The following CHST11 variants were observed in gnomAD, a reference collection of about 807,000 sequenced individuals.
The protein encoded by CHST11 is C4S-1.
CHST11 carries 9 observed loss-of-function variants against 30.4 expected under a neutral mutation model. The observed-to-expected ratio is 0.30, with a 90% CI of 0.18 to 0.52. CHST11 has a LOEUF of 0.52. Ranked by LOEUF, CHST11 falls within the 20% of genes least tolerant of loss-of-function variation. The pLI, the probability that CHST11 is intolerant of heterozygous loss-of-function variation, is 0.97. For synonymous variants in CHST11, 152 were observed against 187.8 expected, an observed-to-expected ratio of 0.81 and a Z score of 1.56; for missense variants, 348 against 460.6, an observed-to-expected ratio of 0.76 and a Z score of 2.24.
intron 1 of CHST11, among the ~76,000 whole-genome samples, chr12:104,504,088 A>ATAATCATTCTCACTCTC (rs1198074733): frequency 3.3e-5 from 5 of 152,130 alleles, no homozygotes; most frequent in Non-Finnish European, 7.4e-5. Flanking sequence ...CTCCATCAAG[A>ATAATCATTCTCACTCTC]TAATCATTCT....
intron 1 of CHST11, among the ~76,000 whole-genome samples, chr12:104,559,380 A>T (rs947792391): frequency 4.6e-5 from 7 of 152,226 alleles, no homozygotes; most frequent in African/African-American, 1.7e-4. Flanking sequence ...GACTAAGGAG[A>T]TGGCATTAAA....
intron 1 of CHST11, among the ~76,000 whole-genome samples, chr12:104,585,939 G>A (rs1252609191): frequency 6.6e-6 from 1 of 152,106 alleles, no homozygotes; most frequent in East Asian, 1.9e-4. Flanking sequence ...GTGTGTCTCT[G>A]TGGGTCCCCT....
intron 1 of CHST11, among the ~76,000 whole-genome samples, chr12:104,574,701 G>A (rs964923902): frequency 6.7e-6 from 1 of 150,336 alleles, no homozygotes; most frequent in Non-Finnish European, 1.5e-5. Flanking sequence ...ACACACTGGG[G>A]TCTGTTGTGG....
At chr12:104,747,535 T>A (rs566180142) in intron 2 of CHST11, among the ~76,000 whole-genome samples, 3 of 152,260 alleles carry the variant, frequency 2.0e-5, no homozygotes, top group Non-Finnish European at 2.9e-5. Flanking sequence ...GAGAGTTTAG[T>A]AATTCCTCTG....
Position 104,476,243 on chromosome 12 carries a change from T to C in CHST11, c.118+18714T>C, listed in dbSNP as rs970802375. Among the ~76,000 whole-genome samples the C allele has an allele frequency of 4.0e-5, 6 of 148,548 alleles. No individual in the cohort carries two copies. The East Asian group carries it at 5.8e-4, about 14-fold the overall frequency. ...ATATGTTATATGTAATAGCATATGT[T>C]ACACATATATGTAATATATGTAATA... On this transcript the variant is annotated intron_variant, in intron 1 of 2. Transcript: ENST00000303694.
chr12:104,755,914 C>A (rs934221829), intron 2 of CHST11, among the ~76,000 whole-genome samples: 1 of 151,952 alleles, frequency 6.6e-6, no homozygotes, highest in African/African-American at 2.4e-5. Context: ...TCTCGGGACC[C>A]CCCCCTCCGG....
At chr12:104,653,961 TC>T (rs2039518779) in intron 2 of CHST11, among the ~76,000 whole-genome samples, 1 of 152,082 alleles carries the variant, frequency 6.6e-6, no homozygotes, top group South Asian at 2.1e-4. Flanking sequence ...TAGTAAAACG[TC>T]CCCGACACCA....
chr12:104,588,712 C>T (rs2136037659), intron 1 of CHST11: 1 of 152,644 alleles, frequency 6.6e-6, no homozygotes, highest in East Asian at 1.9e-4. Flanking sequence ...CTCCATTGCC[C>T]ACCTGCCATC....
intron 2 of CHST11, among the ~76,000 whole-genome samples, chr12:104,639,599 G>A (rs768664075): frequency 1.3e-5 from 2 of 152,186 alleles, no homozygotes; most frequent in Non-Finnish European, 2.9e-5. Context: ...GTGGCCTGAG[G>A]CATGGGGAAA....
At chr12:104,616,026 T>A (rs1405182519) in intron 2 of CHST11, among the ~76,000 whole-genome samples, 3 of 152,232 alleles carry the variant, frequency 2.0e-5, no homozygotes, top group African/African-American at 7.2e-5. Flanking sequence ...GAAAGGTGTC[T>A]GGCACCAAGT....
At chr12:104,588,476 C>G (rs960472635) in intron 1 of CHST11, among the ~76,000 whole-genome samples, 3 of 152,232 alleles carry the variant, frequency 2.0e-5, no homozygotes, top group Admixed American at 6.5e-5. Context: ...TGAGTGGGTT[C>G]CTGCAGCCTA....
intron 1 of CHST11, among the ~76,000 whole-genome samples, chr12:104,536,213 G>A (rs2038236024): frequency 6.6e-6 from 1 of 152,214 alleles, no homozygotes; most frequent in African/African-American, 2.4e-5. Context: ...TGGAGCTCAT[G>A]AGAAATAGTA....
intron 1 of CHST11, among the ~76,000 whole-genome samples, chr12:104,517,198 A>C (rs1592741661): frequency 6.6e-6 from 1 of 152,180 alleles, no homozygotes; most frequent in East Asian, 1.9e-4. Context: ...GGTGCACTGT[A>C]AGAGAAGCCC....
rs142457180 is a variant in CHST11 at position 104,629,120 on chromosome 12, A to G, written c.204+27129A>G. On this transcript the variant is annotated intron_variant, in intron 2 of 2. Coordinates refer to ENST00000303694, the MANE Select transcript of CHST11 (RefSeq NM_018413.6). ...CACAGGGGTTAAGAGCAAGTGCTCT[A>G]GAATCAGGCTGCCTGCATTTGTATT... Among the ~76,000 whole-genome samples the G allele has an allele frequency of 2.5e-3, 379 of 152,352 alleles. 1 individual carries two copies. The highest frequency in any genetic ancestry group is 4.0e-3 in the Non-Finnish European group (273 of 68,028).
rs144055331 is a variant in CHST11 at position 104,582,730 on chromosome 12, A to G, written c.119-19176A>G. Among the ~76,000 whole-genome samples the G allele has an allele frequency of 1.6e-3, 249 of 152,136 alleles. 2 individuals carry two copies. The highest frequency in any genetic ancestry group is 5.0e-3 in the African/African-American group (208 of 41,496). ...TTGTTTCCTCATCTGTATGATAGAA[A>G]TAATACATCTCGGGATGGTAGTGAG... is the stretch of plus-strand genomic sequence containing the variant. On this transcript the variant is annotated intron_variant, in intron 1 of 2. Transcript: ENST00000303694.
intron 1 of CHST11, among the ~76,000 whole-genome samples, chr12:104,590,631 C>T (rs983834627): frequency 5.3e-5 from 8 of 152,168 alleles, no homozygotes; most frequent in African/African-American, 1.7e-4. Flanking sequence ...CTTGAAGAAG[C>T]ATATGGCAGG....
At chr12:104,631,417 G>C (rs979813527) in intron 2 of CHST11, among the ~76,000 whole-genome samples, 5 of 152,088 alleles carry the variant, frequency 3.3e-5, no homozygotes, top group African/African-American at 1.2e-4. Context: ...ATCCCCCAGC[G>C]TCTATGTGCT....
intron 2 of CHST11, among the ~76,000 whole-genome samples, chr12:104,713,359 C>A (rs2136121917): frequency 6.6e-6 from 1 of 152,166 alleles, no homozygotes; most frequent in South Asian, 2.1e-4. Context: ...TGAGATGGAG[C>A]CCTCCAGGAT....
At position 104,753,954 on chromosome 12, in the gene CHST11, C is replaced by G. The variant is rs149117736; in HGVS notation, c.205-2995C>G. 1.6e-3 allele frequency among the ~76,000 whole-genome samples: 237 copies of G among 152,222 alleles called. 1 individual carries two copies. Among genetic ancestry groups the G allele is most frequent in the African/African-American group, 5.2e-3 (217 of 41,496 alleles). On this transcript the variant is annotated intron_variant, in intron 2 of 2. Coordinates refer to ENST00000303694, the MANE Select transcript of CHST11 (RefSeq NM_018413.6). ...AACAAAGGCCAAGAAAGGCCCAGGC[C>G]CCATATTTGGGTCATAATAACATGC...
Sources: gnomAD v4.1 joint callset for allele counts (sites outside exome capture counted in the v4.1 genomes callset) on GRCh38, gnomAD v4.1.1 for gene constraint, MANE v1.5 for transcripts, NCBI Gene and HGNC (gene_info 2026-07-23, HGNC 2026-07-21) for gene names.